Variants in DENND1B observed in about 807,000 individuals in gnomAD.
DENND1B encodes the protein DENN domain containing 1B.
DENND1B carries 59 observed loss-of-function variants against 90.1 expected under a neutral mutation model. The observed-to-expected ratio is 0.65, with a 90% CI of 0.53 to 0.81. The LOEUF (loss-of-function observed/expected upper bound fraction) is 0.81. Ranked by LOEUF, DENND1B falls within the 40% of genes least tolerant of loss-of-function variation. The pLI is 0.00. For missense variants in DENND1B, 862 were observed against 912.6 expected (o/e 0.94, Z 0.71); for synonymous variants, 337 against 324.6 (o/e 1.04, Z -0.41).
intron 20 of DENND1B, among the ~76,000 whole-genome samples, chr1:197,528,677 G>A (rs1263686310): frequency 6.6e-6 from 1 of 151,874 alleles, no homozygotes; most frequent in South Asian, 2.1e-4. Flanking sequence ...CGGCTAAAAC[G>A]GTGAAACCCC....
chr1:197,742,588 A>G (rs1306325543), intron 2 of DENND1B, among the ~76,000 whole-genome samples: 1 of 152,242 alleles, frequency 6.6e-6, no homozygotes, highest in Non-Finnish European at 1.5e-5. Flanking sequence ...TGAAACAAAT[A>G]TTTTTAAAAG....
At chr1:197,544,976 GA>G (rs1247026409) in intron 18 of DENND1B, among the ~76,000 whole-genome samples, 6 of 39,212 alleles carry the variant, frequency 1.5e-4, no homozygotes, top group Admixed American at 3.2e-4. Context: ...AAGGAGGAAG[GA>G]GGAAGGGGAA....
intron 13 of DENND1B, among the ~76,000 whole-genome samples, chr1:197,604,251 T>C (rs934294730): frequency 3.6e-4 from 55 of 151,212 alleles, no homozygotes; most frequent in African/African-American, 1.1e-3. Flanking sequence ...AAAAAACAAG[T>C]GTTCTTGTCA....
intron 15 of DENND1B, among the ~76,000 whole-genome samples, chr1:197,576,838 CA>C (rs1355488267): frequency 6.6e-6 from 1 of 152,110 alleles, no homozygotes; most frequent in Non-Finnish European, 1.5e-5. Flanking sequence ...GAATCTTTAT[CA>C]TTTTCCTCCC....
At chr1:197,665,204 G>T (rs1323751771) in intron 5 of DENND1B, among the ~76,000 whole-genome samples, 5 of 151,996 alleles carry the variant, frequency 3.3e-5, no homozygotes, top group Non-Finnish European at 7.4e-5. Flanking sequence ...AAAATAAATA[G>T]AAATCAAAGA....
chr1:197,651,552 TCTTA>T (rs1224053611), intron 7 of DENND1B, among the ~76,000 whole-genome samples: 1 of 151,998 alleles, frequency 6.6e-6, no homozygotes, highest in African/African-American at 2.4e-5. Context: ...CATTTTCTAT[TCTTA>T]CTAAGTACCG....
intron 6 of DENND1B, among the ~76,000 whole-genome samples, chr1:197,653,343 A>T (rs982255654): frequency 6.6e-6 from 1 of 152,148 alleles, no homozygotes; most frequent in Non-Finnish European, 1.5e-5. Context: ...ACTGCAAAAT[A>T]AACAATTTAC....
chr1:197,701,578 GAAGAAGA>G (rs992118990), intron 3 of DENND1B, among the ~76,000 whole-genome samples: 2 of 151,150 alleles, frequency 1.3e-5, no homozygotes, highest in Non-Finnish European at 3.0e-5. Flanking sequence ...AAAGAAGATA[GAAGAAGA>G]AAGAAGAAAG....
intron 3 of DENND1B, among the ~76,000 whole-genome samples, chr1:197,695,144 C>G (rs1449006400): frequency 6.6e-6 from 1 of 151,018 alleles, no homozygotes; most frequent in African/African-American, 2.4e-5. Flanking sequence ...TCCTAAACTG[C>G]GCCTGCTAAA....
chr1:197,561,335 T>G lies in DENND1B; in HGVS notation c.1150-8223A>C, dbSNP rs116645817. On this transcript the variant is annotated intron_variant, in intron 15 of 22. Coordinates refer to ENST00000620048, the MANE Select transcript of DENND1B (RefSeq NM_001195215.2). ...GGTCCTTGTTTTAATGAGCCTGTCA[T>G]GAGCATTTGACAGTGTTGATCCCTC... Among the ~76,000 whole-genome samples, 878 of 151,994 alleles carry G rather than the reference T, an allele frequency of 5.8e-3. 8 individuals are homozygous for G. The highest frequency in any genetic ancestry group is 0.02 in the African/African-American group (816 of 41,532).
intron 10 of DENND1B, among the ~76,000 whole-genome samples, chr1:197,642,448 A>G (rs1228555131): frequency 6.6e-6 from 1 of 152,176 alleles, no homozygotes; most frequent in African/African-American, 2.4e-5. Context: ...AAGGCACTAA[A>G]ATGAACTCTG....
chr1:197,620,055 T>C (rs761640322), intron 10 of DENND1B, among the ~76,000 whole-genome samples: 6 of 151,302 alleles, frequency 4.0e-5, no homozygotes, highest in Non-Finnish European at 5.9e-5. Flanking sequence ...CAGGTTTAAG[T>C]AGAATTATAA....
At chr1:197,547,830 CAA>C (rs34879882) in intron 16 of DENND1B, among the ~76,000 whole-genome samples, 2 of 151,856 alleles carry the variant, frequency 1.3e-5, no homozygotes, top group Non-Finnish European at 2.9e-5. Context: ...TAAACAACAA[CAA>C]AAAAAACCCT....
chr1:197,733,696 T>C (rs777190075), intron 2 of DENND1B, among the ~76,000 whole-genome samples: 26 of 152,188 alleles, frequency 1.7e-4, no homozygotes, highest in Non-Finnish European at 3.5e-4. Context: ...TCCAACCAGC[T>C]AGCCAAAGAG....
intron 14 of DENND1B, among the ~76,000 whole-genome samples, chr1:197,584,575 G>A (rs1241575149): frequency 1.3e-5 from 2 of 152,024 alleles, no homozygotes; most frequent in South Asian, 2.1e-4. Context: ...AAGACAATTC[G>A]ATAAACTCTT....
intron 5 of DENND1B, among the ~76,000 whole-genome samples, chr1:197,669,338 A>G (rs952743581): frequency 6.6e-6 from 1 of 152,088 alleles, no homozygotes; most frequent in Non-Finnish European, 1.5e-5. Flanking sequence ...AGGACCCATC[A>G]AACTAGGTGG....
chr1:197,652,724 T>C (rs1158441167), intron 6 of DENND1B, among the ~76,000 whole-genome samples: 1 of 152,120 alleles, frequency 6.6e-6, no homozygotes, highest in Non-Finnish European at 1.5e-5. Context: ...AAGCAATTTT[T>C]AAGGAATAGA....
intron 2 of DENND1B, among the ~76,000 whole-genome samples, chr1:197,738,963 C>G (rs566750581): frequency 2.0e-5 from 3 of 152,320 alleles, no homozygotes; most frequent in South Asian, 2.1e-4. Context: ...AGCATCTAGA[C>G]TCCACAAAGA....
At chr1:197,656,151 C>T (rs1653799965) in intron 6 of DENND1B, among the ~76,000 whole-genome samples, 1 of 152,040 alleles carries the variant, frequency 6.6e-6, no homozygotes, top group Non-Finnish European at 1.5e-5. Context: ...GTCTTCAAGA[C>T]TCTTTTCATC....
Sources: allele counts gnomAD v4.1 joint callset (sites outside exome capture counted in the v4.1 genomes callset), GRCh38; gene constraint gnomAD v4.1.1; transcripts MANE v1.5; gene names NCBI Gene and HGNC (gene_info 2026-07-23, HGNC 2026-07-21).